Variants in PPM1L observed in about 807,000 individuals in gnomAD.
PPM1L encodes the protein protein phosphatase, Mg2+/Mn2+ dependent 1L.
A neutral mutation model predicts 31.4 loss-of-function variants in PPM1L; 13 were observed. The observed-to-expected ratio is 0.41, with a 90% CI of 0.27 to 0.66. The LOEUF (loss-of-function observed/expected upper bound fraction) is 0.66. Among genes scored for constraint, PPM1L ranks in the 30% least tolerant of loss-of-function variants. The pLI is 0.29. For missense variants in PPM1L, 326 were observed against 453.7 expected (o/e 0.72, Z 2.56); for synonymous variants, 184 against 175.4 (o/e 1.05, Z -0.39).
At chr3:160,817,627 T>G (rs1218054192) in intron 1 of PPM1L, among the ~76,000 whole-genome samples, 1 of 151,154 alleles carries the variant, frequency 6.6e-6, no homozygotes, top group Non-Finnish European at 1.5e-5. Flanking sequence ...TTCTTATTTT[T>G]GCAGGTCATG....
intron 1 of PPM1L, among the ~76,000 whole-genome samples, chr3:160,823,368 A>ATTTTTT (rs199918303): frequency 3.5e-5 from 5 of 142,152 alleles, no homozygotes; most frequent in Non-Finnish European, 6.2e-5. Context: ...TGTATAAATG[A>ATTTTTT]TTTTTTTTTT....
chr3:160,905,912 G>A (rs1186396683), intron 1 of PPM1L, among the ~76,000 whole-genome samples: 1 of 151,680 alleles, frequency 6.6e-6, no homozygotes, highest in East Asian at 1.9e-4. Context: ...CATTTTAATT[G>A]CTCATTTAAA....
At chr3:161,064,425 T>C (rs1719665413) in intron 2 of PPM1L, among the ~76,000 whole-genome samples, 1 of 152,066 alleles carries the variant, frequency 6.6e-6, no homozygotes, top group Non-Finnish European at 1.5e-5. Flanking sequence ...TAAAGAGCCA[T>C]TTAGATACAG....
At chr3:160,930,874 T>G (rs1714764286) in intron 1 of PPM1L, among the ~76,000 whole-genome samples, 1 of 152,076 alleles carries the variant, frequency 6.6e-6, no homozygotes, top group Non-Finnish European at 1.5e-5. Flanking sequence ...CATACCTAAG[T>G]CTTCATGCCT....
intron 3 of PPM1L, among the ~76,000 whole-genome samples, chr3:161,068,162 C>A (rs937466862): frequency 2.0e-5 from 3 of 152,102 alleles, no homozygotes; most frequent in Admixed American, 2.0e-4. Flanking sequence ...TGGAATAAGA[C>A]CTTCATTTCT....
rs960470098 is a variant in PPM1L at position 161,074,114 on chromosome 3, T to C, written c.*4957T>C. On this transcript the variant is annotated 3_prime_UTR_variant, in exon 4 of 4. Transcript: ENST00000498165. Reference sequence around the variant, plus strand: ...GATTTTTAAAACTAATGATCTGTTATATAATAACTGAAATGTAAACTATTA... The same window carrying C: ...GATTTTTAAAACTAATGATCTGTTACATAATAACTGAAATGTAAACTATTA... 14 of 152,270 alleles carry C rather than the reference T, an allele frequency of 9.2e-5. No homozygotes were observed. Among genetic ancestry groups the C allele is most frequent in the South Asian group, 2.1e-4 (1 of 4,836 alleles). The allele number at this position is 152,270 out of a possible 1,614,324, so 9.4% of individuals were successfully genotyped here. A position where few individuals can be genotyped will look rare whatever the true frequency, so the allele number is the denominator to read the frequency against.
intron 1 of PPM1L, among the ~76,000 whole-genome samples, chr3:160,791,497 A>G (rs1014099000): frequency 1.3e-5 from 2 of 152,042 alleles, no homozygotes; most frequent in African/African-American, 4.8e-5. Context: ...TTTTCTTTAA[A>G]TCTACTTTCA....
intron 2 of PPM1L, among the ~76,000 whole-genome samples, chr3:161,060,092 A>G (rs1719525558): frequency 6.6e-6 from 1 of 152,124 alleles, no homozygotes; most frequent in Admixed American, 6.5e-5. Flanking sequence ...CTGACACTAA[A>G]TAAATAAATA....
intron 1 of PPM1L, among the ~76,000 whole-genome samples, chr3:160,895,665 T>C (rs893484513): frequency 1.3e-5 from 2 of 152,196 alleles, no homozygotes; most frequent in African/African-American, 4.8e-5. Context: ...CTTTGTTTTG[T>C]TTGTGGTTCT....
chr3:160,968,195 G>A (rs1716217345), intron 2 of PPM1L, among the ~76,000 whole-genome samples: 1 of 152,150 alleles, frequency 6.6e-6, no homozygotes, highest in African/African-American at 2.4e-5. Context: ...ATCATTCATG[G>A]ATCCTCATTA....
At chr3:160,981,459 A>C (rs1716794963) in intron 2 of PPM1L, among the ~76,000 whole-genome samples, 1 of 152,190 alleles carries the variant, frequency 6.6e-6, no homozygotes, top group Admixed American at 6.5e-5. Context: ...ACAGAGAGCA[A>C]GGGGGCACCC....
intron 1 of PPM1L, among the ~76,000 whole-genome samples, chr3:160,940,863 T>A (rs1421198517): frequency 6.6e-6 from 1 of 152,076 alleles, no homozygotes; most frequent in African/African-American, 2.4e-5. Context: ...CCCAGAATGG[T>A]AGATCCACCC....
intron 1 of PPM1L, among the ~76,000 whole-genome samples, chr3:160,828,410 C>T (rs1280468961): frequency 6.6e-6 from 1 of 152,090 alleles, no homozygotes; most frequent in Non-Finnish European, 1.5e-5. Context: ...ACTGAGTAGG[C>T]ATTCAACAAG....
rs1235642794 is a variant in PPM1L at position 161,065,097 on chromosome 3, TTTTG to T, written c.575-302_575-299del. On this transcript the variant is annotated intron_variant, in intron 2 of 3. Transcript: ENST00000498165. ...ATCAGTTGACTGAAACTTCAAACGA[TTTTG>T]TTTCTCTCCTAATCCTTTTAAATGT... Among the ~76,000 whole-genome samples the T allele has an allele frequency of 7.9e-5, 12 of 152,250 alleles. No individual in the cohort carries two copies. The East Asian group carries it at 2.1e-3, about 27-fold the overall frequency.
intron 2 of PPM1L, among the ~76,000 whole-genome samples, chr3:160,984,858 A>G (rs1716913036): frequency 6.6e-6 from 1 of 152,194 alleles, no homozygotes; most frequent in Non-Finnish European, 1.5e-5. Flanking sequence ...CCCATGGGAC[A>G]TTTGGCAATG....
Position 160,756,548 on chromosome 3 carries a change from C to G in PPM1L, c.240C>G (p.Ala80=). 3.7e-6 allele frequency: 6 copies of G among 1,614,060 alleles called. No homozygotes were observed. Among genetic ancestry groups the G allele is most frequent in the Non-Finnish European group, 5.1e-6 (6 of 1,180,018 alleles). ...DRLGGLDVLE[A]EFSKTWEFKN... ...TCGGGGGGCTTGATGTGCTCGAGGC[C>G]GAGTTTTCCAAGACCTGGGAGTTCA... Residue 80 remains alanine (A), a synonymous_variant, in exon 1 of 4, where the codon GCC becomes GCG. Coordinates refer to ENST00000498165, the MANE Select transcript of PPM1L (RefSeq NM_139245.4). This position sits in a 1 kb window ranked among gnomAD's most constrained non-coding sequence, Gnocchi z 6.2.
At chr3:161,027,279 A>G (rs1718427524) in intron 2 of PPM1L, among the ~76,000 whole-genome samples, 1 of 152,208 alleles carries the variant, frequency 6.6e-6, no homozygotes, top group Non-Finnish European at 1.5e-5. Context: ...AGACCTTTAG[A>G]CGATTGGTGC....
At chr3:161,061,133 T>G (rs2108106702) in intron 2 of PPM1L, among the ~76,000 whole-genome samples, 1 of 152,260 alleles carries the variant, frequency 6.6e-6, no homozygotes, top group East Asian at 1.9e-4. Context: ...CAGTAAGTTT[T>G]TTTTGGTGTC....
chr3:160,894,860 T>C (rs1019328399), intron 1 of PPM1L, among the ~76,000 whole-genome samples: 1 of 152,248 alleles, frequency 6.6e-6, no homozygotes, highest in Non-Finnish European at 1.5e-5. Context: ...AGTATGAATC[T>C]AATGATTTTG....
Sources: allele counts gnomAD v4.1 joint callset (sites outside exome capture counted in the v4.1 genomes callset), GRCh38; gene constraint gnomAD v4.1.1; non-coding constraint Gnocchi (gnomAD v3.1); transcripts MANE v1.5; gene names NCBI Gene and HGNC (gene_info 2026-07-23, HGNC 2026-07-21).